The following CTDSPL2 variants were observed in gnomAD, a reference collection of about 807,000 sequenced individuals.
CTDSPL2 encodes the protein CTD small phosphatase like 2.
Under a neutral mutation model 60.0 loss-of-function variants are expected in CTDSPL2, and 5 were observed. The ratio of observed to expected loss-of-function variants is 0.08; its 90% CI spans 0.04 to 0.18. The LOEUF is 0.18. Among genes scored for constraint, CTDSPL2 ranks in the 10% least tolerant of loss-of-function variants. CTDSPL2 has a pLI of 1.00. For missense variants in CTDSPL2, 370 were observed against 548.8 expected (o/e 0.67, Z 3.26); for synonymous variants, 186 against 189.3 (o/e 0.98, Z 0.14).
chr15:44,443,483 T>G (rs1456226767), intron 1 of CTDSPL2, among the ~76,000 whole-genome samples: 1 of 152,232 alleles, frequency 6.6e-6, no homozygotes, highest in Non-Finnish European at 1.5e-5. Flanking sequence ...GCCATGCCAC[T>G]TTCCACAGCA....
chr15:44,437,305 T>A (rs886363199), intron 1 of CTDSPL2, among the ~76,000 whole-genome samples: 2 of 152,236 alleles, frequency 1.3e-5, no homozygotes, highest in Non-Finnish European at 2.9e-5. Flanking sequence ...TGAGAATTCT[T>A]CATATACAAT....
intron 1 of CTDSPL2, among the ~76,000 whole-genome samples, chr15:44,432,413 G>A (rs1468979118): frequency 2.7e-5 from 4 of 150,552 alleles, no homozygotes; most frequent in East Asian, 2.0e-4. Context: ...TCCGCCTCCC[G>A]GGTTCAAGCA....
At chr15:44,462,183 G>C (rs1281766863) in intron 2 of CTDSPL2, among the ~76,000 whole-genome samples, 3 of 152,134 alleles carry the variant, frequency 2.0e-5, no homozygotes, top group Admixed American at 6.5e-5. Context: ...GTCTCAAGCT[G>C]TTTGCCTGCC....
At chr15:44,476,329 G>A (rs1365329473) in intron 2 of CTDSPL2, among the ~76,000 whole-genome samples, 1 of 152,040 alleles carries the variant, frequency 6.6e-6, no homozygotes, top group Non-Finnish European at 1.5e-5. Context: ...GCCTCCCAAA[G>A]TGCTGGGATT....
intron 1 of CTDSPL2, chr15:44,449,137 G>T: frequency 6.5e-6 from 2 of 309,666 alleles, no homozygotes; most frequent in South Asian, 3.4e-5. Flanking sequence ...ATACTAGGTG[G>T]GATAGTAATC....
intron 8 of CTDSPL2, among the ~76,000 whole-genome samples, chr15:44,506,413 T>G (rs1341030921): frequency 1.9e-5 from 2 of 103,480 alleles, no homozygotes; most frequent in Non-Finnish European, 3.5e-5. Context: ...CTACTTTGAC[T>G]TTTTTTTTTT....
intron 11 of CTDSPL2, chr15:44,519,543 A>G (rs1595783061): frequency 3.1e-6 from 1 of 318,216 alleles, no homozygotes; most frequent in East Asian, 7.1e-5. Context: ...GCATCATTGA[A>G]TAGCATTCTT....
At chr15:44,479,390 G>T in intron 2 of CTDSPL2, among the ~76,000 whole-genome samples, 1 of 139,576 alleles carries the variant, frequency 7.2e-6, no homozygotes. Context: ...TCTGCTGTAT[G>T]TCTCATATTT....
intron 8 of CTDSPL2, among the ~76,000 whole-genome samples, chr15:44,509,508 A>G (rs1371096707): frequency 2.0e-5 from 3 of 152,186 alleles, no homozygotes; most frequent in Admixed American, 6.6e-5. Flanking sequence ...CGCCCAGCCA[A>G]TGACTACTTT....
intron 8 of CTDSPL2, among the ~76,000 whole-genome samples, chr15:44,505,041 A>G (rs1284927211): frequency 1.3e-5 from 2 of 152,178 alleles, no homozygotes; most frequent in Non-Finnish European, 2.9e-5. Flanking sequence ...ATACAAATGA[A>G]ACCAATAGTT....
In CTDSPL2 at chr15:44,514,728, A is replaced by G. The variant is rs557837652; in HGVS notation, c.1033-37A>G. ...TCAATATAGTACCCATATTTAGACC[A>G]TGTATAATGATTACTTCTTTTCCCC... On this transcript the variant is annotated intron_variant, in intron 9 of 12. Transcript: ENST00000260327. 45 of 1,528,764 alleles carry G rather than the reference A, an allele frequency of 2.9e-5. No homozygotes were observed. The South Asian group carries it at 5.0e-4, about 17-fold the overall frequency. The allele number at this position is 1,528,764 out of a possible 1,614,324, so 94.7% of individuals were successfully genotyped here.
At chr15:44,451,265 T>C (rs1171379290) in intron 1 of CTDSPL2, among the ~76,000 whole-genome samples, 1 of 152,038 alleles carries the variant, frequency 6.6e-6, no homozygotes, top group African/African-American at 2.4e-5. Flanking sequence ...CATGCCCATA[T>C]AATTTTTTTG....
intron 11 of CTDSPL2, chr15:44,520,687 C>G (rs182901546): frequency 6.6e-6 from 1 of 152,168 alleles, no homozygotes; most frequent in Non-Finnish European, 1.5e-5. Context: ...AAAATTATAT[C>G]AATTATCCTC....
chr15:44,476,933 A>G (rs2080928757), intron 2 of CTDSPL2, among the ~76,000 whole-genome samples: 1 of 152,250 alleles, frequency 6.6e-6, no homozygotes. Flanking sequence ...GTAGAAGTGC[A>G]CAACACAAGG....
intron 2 of CTDSPL2, among the ~76,000 whole-genome samples, chr15:44,481,900 A>C (rs1003671638): frequency 1.3e-5 from 2 of 152,274 alleles, no homozygotes; most frequent in Middle Eastern, 3.4e-3. Flanking sequence ...AAAACTGATA[A>C]TCTGCAGCAG....
intron 4 of CTDSPL2, 63 bp downstream of exon 4, chr15:44,486,763 T>G (rs1315512969): frequency 1.6e-5 from 19 of 1,217,026 alleles, no homozygotes; most frequent in Admixed American, 1.1e-4. Flanking sequence ...TTTGGGTTTT[T>G]TTTTTTTTTT....
intron 11 of CTDSPL2, 197 bp from the exon 12 acceptor site, chr15:44,521,114 C>T (rs938775016): frequency 1.9e-5 from 6 of 319,460 alleles, no homozygotes; most frequent in African/African-American, 1.3e-4. Flanking sequence ...CACTGAAAAA[C>T]CAATAGGCTT....
chr15:44,440,214 G>T lies in CTDSPL2; in HGVS notation c.-25+12442G>T, dbSNP rs76666192. Among the ~76,000 whole-genome samples, 837 of 114,554 alleles carry T rather than the reference G, an allele frequency of 7.3e-3. 2 individuals are homozygous for T. The highest frequency in any genetic ancestry group is 0.025 in the African/African-American group (684 of 27,284). The allele number at this position is 114,554 out of a possible 152,430, so 75.2% of individuals were successfully genotyped here. The stretch of plus-strand genomic sequence containing the variant: ...TTGTTTTTGTGTTTTTTTTTTTTTT[G>T]AGATGGAGTCTTGCTCTGTTGCCCA... On this transcript the variant is annotated intron_variant, in intron 1 of 12. Coordinates refer to ENST00000260327, the MANE Select transcript of CTDSPL2 (RefSeq NM_016396.3).
intron 1 of CTDSPL2, chr15:44,448,939 A>G (rs1302553171): frequency 2.4e-6 from 1 of 413,684 alleles, no homozygotes; most frequent in Non-Finnish European, 4.5e-6. Flanking sequence ...AACAGTGCCC[A>G]ATCCATGATT....
Sources: allele counts gnomAD v4.1 joint callset (sites outside exome capture counted in the v4.1 genomes callset), GRCh38; gene constraint gnomAD v4.1.1; transcripts MANE v1.5; gene names NCBI Gene and HGNC (gene_info 2026-07-23, HGNC 2026-07-21).